Variants in PCGF5 observed in about 807,000 individuals in gnomAD.
The protein encoded by PCGF5 is polycomb group ring finger 5.
Under a neutral mutation model 44.3 loss-of-function variants are expected in PCGF5, and 9 were observed. The observed-to-expected ratio is 0.20, with a 90% confidence interval of 0.12 to 0.35. PCGF5 has a LOEUF of 0.35. Among genes scored for constraint, PCGF5 ranks in the 10% least tolerant of loss-of-function variants. The probability of loss-of-function intolerance (pLI) is 1.00; values close to 1 mark genes in which losing one functional copy is unlikely to be tolerated. For synonymous variants in PCGF5, 95 were observed against 102.5 expected (o/e 0.93, Z 0.44); for missense variants, 146 against 305.3 (o/e 0.48, Z 3.89).
intron 1 of PCGF5, among the ~76,000 whole-genome samples, chr10:91,208,082 T>G (rs1160691628): frequency 6.6e-6 from 1 of 152,216 alleles, no homozygotes; most frequent in African/African-American, 2.4e-5. Flanking sequence ...CCCAGCAATT[T>G]TTTCTTAATA....
chr10:91,209,256 C>T (rs543298681), intron 1 of PCGF5, among the ~76,000 whole-genome samples: 16 of 152,086 alleles, frequency 1.1e-4, no homozygotes, highest in South Asian at 4.2e-4. Context: ...TGGAATCTTC[C>T]TTGTAGAAGA....
At chr10:91,177,499 C>T (rs918166937) in intron 1 of PCGF5, among the ~76,000 whole-genome samples, 24 of 152,326 alleles carry the variant, frequency 1.6e-4, no homozygotes, top group Non-Finnish European at 7.3e-5. Flanking sequence ...GCCTTGCCCC[C>T]GGAGGTGGAG....
At chr10:91,236,626 GATATTTTTAAA>G (rs1156728284) in intron 2 of PCGF5, among the ~76,000 whole-genome samples, 1 of 152,178 alleles carries the variant, frequency 6.6e-6, no homozygotes, top group Admixed American at 6.5e-5. Flanking sequence ...AAATCTTTAA[GATATTTTTAAA>G]ATGTGCTGTA....
At chr10:91,210,134 T>C (rs1248888663) in intron 1 of PCGF5, among the ~76,000 whole-genome samples, 1 of 152,194 alleles carries the variant, frequency 6.6e-6, no homozygotes, top group Non-Finnish European at 1.5e-5. Flanking sequence ...CCTTAACGCT[T>C]CCTTCTTCCT....
At chr10:91,185,825 C>T (rs1843913351) in intron 1 of PCGF5, among the ~76,000 whole-genome samples, 1 of 151,822 alleles carries the variant, frequency 6.6e-6, no homozygotes, top group Non-Finnish European at 1.5e-5. Context: ...GGGGAGATTC[C>T]CTTGACTCCG....
At chr10:91,254,242 A>G (rs1027043364) in intron 6 of PCGF5, among the ~76,000 whole-genome samples, 1 of 149,374 alleles carries the variant, frequency 6.7e-6, no homozygotes, top group Non-Finnish European at 1.5e-5. Context: ...TGGAAACCAT[A>G]TATCTGACAA....
intron 2 of PCGF5, among the ~76,000 whole-genome samples, chr10:91,228,231 A>G (rs1243234422): frequency 6.6e-6 from 1 of 152,144 alleles, no homozygotes; most frequent in Non-Finnish European, 1.5e-5. Context: ...GCTGGGTGGT[A>G]TAGGTTGTTG....
chr10:91,205,443 G>T (rs1030054310), intron 1 of PCGF5, among the ~76,000 whole-genome samples: 2 of 152,106 alleles, frequency 1.3e-5, no homozygotes, highest in African/African-American at 2.4e-5. Flanking sequence ...AGTGACAAGG[G>T]TATATTCCAG....
intron 2 of PCGF5, among the ~76,000 whole-genome samples, chr10:91,238,368 A>T (rs1319983837): frequency 1.3e-5 from 2 of 152,170 alleles, no homozygotes; most frequent in Non-Finnish European, 2.9e-5. Flanking sequence ...TGAGCAGCCT[A>T]GCTTAGTATA....
At chr10:91,197,582 G>A (rs1324154419) in intron 1 of PCGF5, among the ~76,000 whole-genome samples, 2 of 152,078 alleles carry the variant, frequency 1.3e-5, no homozygotes, top group Non-Finnish European at 1.5e-5. Context: ...TAAATGACTG[G>A]TATGAGCTCA....
At chr10:91,163,290 C>G (rs1843425753) in intron 1 of PCGF5, among the ~76,000 whole-genome samples, 1 of 150,690 alleles carries the variant, frequency 6.6e-6, no homozygotes, top group Non-Finnish European at 1.5e-5. Flanking sequence ...GCCGGGCTGG[C>G]GGCGCGCGGA....
intron 1 of PCGF5, among the ~76,000 whole-genome samples, chr10:91,163,352 C>G (rs1188143906): frequency 2.0e-5 from 3 of 151,604 alleles, no homozygotes; most frequent in Non-Finnish European, 2.9e-5. Context: ...AGGGGAGGGC[C>G]CCGAGGAACT....
At chr10:91,191,413 C>T (rs953291032) in intron 1 of PCGF5, among the ~76,000 whole-genome samples, 1 of 152,156 alleles carries the variant, frequency 6.6e-6, no homozygotes, top group Non-Finnish European at 1.5e-5. Context: ...CATGAGATAT[C>T]ATCACACTAC....
intron 7 of PCGF5, 148 bp from the exon 8 acceptor site, chr10:91,264,283 G>T (rs1286574857): frequency 2.0e-5 from 12 of 608,414 alleles, no homozygotes; most frequent in Non-Finnish European, 3.1e-5. Context: ...AATTGTTAAT[G>T]CTTTAGGAGA....
At chr10:91,204,662 T>TCC (rs1564632944) in intron 1 of PCGF5, among the ~76,000 whole-genome samples, 2 of 152,116 alleles carry the variant, frequency 1.3e-5, no homozygotes, top group Non-Finnish European at 2.9e-5. Flanking sequence ...AGGAGAGCTC[T>TCC]GAGGATAAAA....
At chr10:91,173,489 T>C (rs1296723439) in intron 1 of PCGF5, among the ~76,000 whole-genome samples, 1 of 151,802 alleles carries the variant, frequency 6.6e-6, no homozygotes, top group Non-Finnish European at 1.5e-5. Flanking sequence ...TGAACATCCA[T>C]GTAACTACCA....
chr10:91,188,281 G>T (rs531491337), intron 1 of PCGF5, among the ~76,000 whole-genome samples: 2 of 152,316 alleles, frequency 1.3e-5, no homozygotes, highest in East Asian at 3.9e-4. Flanking sequence ...AGCGCAAGGG[G>T]TCAGGGAGTT....
intron 1 of PCGF5, among the ~76,000 whole-genome samples, chr10:91,172,152 C>T (rs920645460): frequency 2.6e-5 from 4 of 151,510 alleles, no homozygotes; most frequent in Non-Finnish European, 5.9e-5. Flanking sequence ...GGGCCAGGCG[C>T]GGTGGCTCAT....
At chr10:91,224,714 C>T (rs1419820591) in intron 2 of PCGF5, among the ~76,000 whole-genome samples, 1 of 151,882 alleles carries the variant, frequency 6.6e-6, no homozygotes, top group Non-Finnish European at 1.5e-5. Flanking sequence ...ATACACTTGG[C>T]CAGTTTAAGG....
Sources: gnomAD v4.1 joint callset for allele counts (sites outside exome capture counted in the v4.1 genomes callset) on GRCh38, gnomAD v4.1.1 for gene constraint, MANE v1.5 for transcripts, NCBI Gene and HGNC (gene_info 2026-07-23, HGNC 2026-07-21) for gene names.